Variants in ZBTB4 observed in about 807,000 individuals in gnomAD.
ZBTB4 encodes the protein zinc finger and BTB domain containing 4.
A neutral mutation model predicts 59.8 loss-of-function variants in ZBTB4; 14 were observed. That is an observed-to-expected ratio of 0.23 (90% CI 0.15 to 0.37). The LOEUF is 0.37. Among genes scored for constraint, ZBTB4 ranks in the 10% least tolerant of loss-of-function variants. The pLI, the probability that ZBTB4 is intolerant of heterozygous loss-of-function variation, is 1.00. For synonymous variants in ZBTB4, 587 were observed against 575.2 expected (o/e 1.02, Z -0.29); for missense variants, 1,198 against 1,380.8 (o/e 0.87, Z 2.10).
chr17:7,465,364 G>A (rs1370872569), intron 3 of ZBTB4, among the ~76,000 whole-genome samples: 3 of 151,050 alleles, frequency 2.0e-5, no homozygotes, highest in African/African-American at 7.3e-5. Flanking sequence ...GGGAGGCTGA[G>A]GCAGAATTGC....
At position 7,466,803 on chromosome 17, in the gene ZBTB4, G is replaced by A. The variant is rs2070135200; in HGVS notation, c.-2C>T. On this transcript the variant is annotated 5_prime_UTR_variant, in exon 3 of 4. Coordinates refer to ENST00000380599, the MANE Select transcript of ZBTB4 (RefSeq NM_001128833.2). The surrounding 1 kb of genome is among the most constrained non-coding windows in gnomAD (Gnocchi z 9.1). ...CGTCACCTCTGCAGGGGGGGGCATG[G>A]TGCCAGCCTAGACAGTGGGAGAAGA... The A allele has an allele frequency of 2.6e-6, 4 of 1,556,374 alleles. No individual in the cohort carries two copies. The highest frequency in any genetic ancestry group is 3.5e-6 in the Non-Finnish European group (4 of 1,153,362).
intron 3 of ZBTB4, among the ~76,000 whole-genome samples, chr17:7,465,322 A>G (rs1197003252): frequency 1.3e-5 from 2 of 149,390 alleles, no homozygotes. Context: ...TTAGCTGGGC[A>G]TGGTGGCGCA....
chr17:7,468,371 C>T (rs1422131733), intron 1 of ZBTB4, among the ~76,000 whole-genome samples: 1 of 146,230 alleles, frequency 6.8e-6, no homozygotes, highest in African/African-American at 2.5e-5. Flanking sequence ...AAAACTCCGT[C>T]TCAAAAAAAA....
rs1015037465 is a variant in ZBTB4 at position 7,464,037 on chromosome 17, A to G, written c.1092-147T>C. 5 of 1,403,340 alleles carry G rather than the reference A, an allele frequency of 3.6e-6. No homozygotes were observed. In the African/African-American group the frequency reaches 4.3e-5, roughly 12 times the overall value. 86.9% of individuals were successfully genotyped at this position (1,403,340 alleles called of 1,614,324 possible). On this transcript the variant is annotated intron_variant, in intron 3 of 3. Transcript: ENST00000380599. ...TCCCTCACCAGGCCAGCCTCAGTGC[A>G]GGGTGCCCGTCTGAGCTCAGTGCCT...
At chr17:7,471,382 T>C (rs1456675382) in intron 1 of ZBTB4, among the ~76,000 whole-genome samples, 2 of 152,294 alleles carry the variant, frequency 1.3e-5, no homozygotes, top group East Asian at 1.9e-4. Context: ...AGATGGGGTC[T>C]TGCCACGTTG....
intron 3 of ZBTB4, among the ~76,000 whole-genome samples, chr17:7,464,667 G>C (rs2070086602): frequency 6.6e-6 from 1 of 151,788 alleles, no homozygotes; most frequent in Admixed American, 6.6e-5. Flanking sequence ...GTGAAACCCT[G>C]TCTCTACTAA....
intron 1 of ZBTB4, among the ~76,000 whole-genome samples, chr17:7,473,839 T>TGC (rs1476259745): frequency 6.6e-6 from 1 of 152,190 alleles, no homozygotes; most frequent in Non-Finnish European, 1.5e-5. Flanking sequence ...GGAAAGCCAC[T>TGC]GCGCCCAGCT....
chr17:7,479,148 GC>G (rs1472903674), intron 1 of ZBTB4, among the ~76,000 whole-genome samples: 7 of 152,074 alleles, frequency 4.6e-5, no homozygotes, highest in Non-Finnish European at 1.0e-4. Flanking sequence ...GGGCCATTAG[GC>G]TGCAGAATTA....
chr17:7,477,261 A>G (rs1022542302), intron 1 of ZBTB4, among the ~76,000 whole-genome samples: 2 of 152,166 alleles, frequency 1.3e-5, no homozygotes, highest in Admixed American at 6.5e-5. Context: ...TCCGTTTCCC[A>G]TGTGCTTTTG....
intron 3 of ZBTB4, among the ~76,000 whole-genome samples, chr17:7,464,874 C>A (rs1286465619): frequency 6.8e-6 from 1 of 147,678 alleles, no homozygotes; most frequent in Admixed American, 6.8e-5. Flanking sequence ...AAAAAAAATG[C>A]CGCCGGGCGC....
In ZBTB4 at chr17:7,466,709, G is replaced by T; in HGVS notation, c.93C>A (p.Asp31Glu). Residue 31 changes from aspartate to glutamate, a missense_variant, in exon 3 of 4, where the codon GAC becomes GAA. By Grantham distance (45) the Asp-to-Glu change is conservative. Around this residue, in one of 9 missense-constraint regions of ZBTB4, gnomAD observed 44 missense variants for 86.2 expected, o/e 0.51. Transcript: ENST00000380599. This position sits in a 1 kb window ranked among gnomAD's most constrained non-coding sequence, Gnocchi z 9.1. Reference sequence around the variant, plus strand: ...TGGTGTCTCCGGCTATGAGGGTGACGTCACAGAAGAGGCCACGGAGCCGCT... The same window carrying T: ...TGGTGTCTCCGGCTATGAGGGTGACTTCACAGAAGAGGCCACGGAGCCGCT... ...NEQRLRGLFC[D>E]VTLIAGDTKF... 6.2e-7 allele frequency: 1 copy of T among 1,607,704 alleles called. No homozygotes were observed.
rs2069992376 is a variant in ZBTB4, at chr17:7,459,791, C to T, written c.*2149G>A. The T allele has an allele frequency of 1.3e-5, 2 of 152,482 alleles. No individual in the cohort carries two copies. Among genetic ancestry groups the T allele is most frequent in the Admixed American group, 1.3e-4 (2 of 15,254 alleles). The allele number at this position is 152,482 out of a possible 1,614,324, so 9.4% of individuals were successfully genotyped here. ...ATATTTAAGAAAAAAAAAATGTCTA[C>T]AATCTCAATTCTCCCAAAAAAAAAT... On this transcript the variant is annotated 3_prime_UTR_variant, in exon 4 of 4. Transcript: ENST00000380599.
At position 7,462,987 on chromosome 17, in the gene ZBTB4, C is replaced by A. The variant is rs2070050819; in HGVS notation, c.1995G>T (p.Arg665Ser). ...SKAGGEDQLW[R>S]PYYSYKPKRK... ...GCTTAGGCTTGTAGGAGTAGTAGGG[C>A]CTCCAGAGCTGGTCCTCCCCACCAG... Residue 665 changes from arginine (R) to serine (S), a missense_variant, in exon 4 of 4, where the codon AGG becomes AGT. Arg to Ser is a moderately radical substitution (Grantham distance 110, BLOSUM62 -1). Around this residue, in one of 9 missense-constraint regions of ZBTB4, gnomAD observed 550 missense variants for 541.8 expected, o/e 1.02. Coordinates refer to ENST00000380599, the MANE Select transcript of ZBTB4 (RefSeq NM_001128833.2). This position sits in a 1 kb window ranked among gnomAD's most constrained non-coding sequence, Gnocchi z 7.5. The A allele has an allele frequency of 6.2e-7, 1 of 1,608,994 alleles. No homozygotes were observed. The highest frequency in any genetic ancestry group is 8.5e-7 in the Non-Finnish European group (1 of 1,178,356).
chr17:7,483,875 A>C (rs1468168869), upstream of ZBTB4: 1 of 152,344 alleles, frequency 6.6e-6, no homozygotes, highest in East Asian at 1.9e-4. Flanking sequence ...TTTGACAAAC[A>C]TCGGCTACTT....
intron 3 of ZBTB4, among the ~76,000 whole-genome samples, chr17:7,465,048 C>T (rs535247257): frequency 5.4e-5 from 8 of 149,138 alleles, no homozygotes; most frequent in African/African-American, 1.2e-4. Context: ...CCCAGCTACT[C>T]GGGAGGCTGA....
chr17:7,462,470 C>G lies in ZBTB4; in HGVS notation c.2512G>C (p.Ala838Pro). The part of the protein sequence containing the change: ...SGEAGGGSTA[A>P]EEASETASLQ... ...GAGGCGGTCTCGGAAGCTTCCTCAGCAGCAGTGCTCCCGCCACCTGCCTCA... is the reference window on the plus strand; with the variant it reads ...GAGGCGGTCTCGGAAGCTTCCTCAGGAGCAGTGCTCCCGCCACCTGCCTCA... Residue 838 changes from alanine to proline, a missense_variant, in exon 4 of 4, where the codon GCT (alanine) becomes CCT (proline). Physicochemically the swap from Ala to Pro is conservative, Grantham distance 27. Transcript: ENST00000380599. This position sits in a 1 kb window ranked among gnomAD's most constrained non-coding sequence, Gnocchi z 7.5. The G allele has an allele frequency of 6.2e-7, 1 of 1,613,896 alleles. No homozygotes were observed. The highest frequency in any genetic ancestry group is 8.5e-7 in the Non-Finnish European group (1 of 1,180,016).
intron 3 of ZBTB4, among the ~76,000 whole-genome samples, chr17:7,465,133 G>T (rs1473017587): frequency 2.1e-5 from 3 of 141,248 alleles, no homozygotes. Flanking sequence ...TCCAGCCTGG[G>T]CAACAGGGCG....
In ZBTB4 at chr17:7,465,880, G is replaced by T. The variant is rs149315929; in HGVS notation, c.922C>A (p.Leu308Met). ...CGCTCGCAGGCCGCGCACACATACA[G>T]CACGTGGCCGCCCACCACCTTCACC... ...HVVKVVGGHV[L>M]YVCAACERSY... The change falls in exon 3 of 4, where the codon CTG becomes ATG. Residue 308 changes from leucine (L) to methionine (M), a missense_variant. By Grantham distance (15) the Leu-to-Met change is conservative. Transcript: ENST00000380599. 147 of 1,613,728 alleles carry T rather than the reference G, an allele frequency of 9.1e-5. No individual in the cohort carries two copies. The highest frequency in any genetic ancestry group is 1.2e-4 in the Non-Finnish European group (137 of 1,179,816).
intron 1 of ZBTB4, among the ~76,000 whole-genome samples, chr17:7,467,701 G>T (rs1444135506): frequency 1.3e-5 from 2 of 152,192 alleles, no homozygotes; most frequent in Non-Finnish European, 2.9e-5. Flanking sequence ...AATCTCCAGG[G>T]CTCAGAGGAA....
Sources: gnomAD v4.1 joint callset for allele counts (sites outside exome capture counted in the v4.1 genomes callset) on GRCh38, gnomAD v4.1.1 for gene constraint, gnomAD v4.1.1 regional missense constraint, Gnocchi (gnomAD v3.1) non-coding constraint, MANE v1.5 for transcripts, NCBI Gene and HGNC (gene_info 2026-07-23, HGNC 2026-07-21) for gene names.